KIDINS220: variants seen among roughly 807,000 people sequenced by gnomAD.
The protein encoded by KIDINS220 is kinase D interacting substrate 220.
KIDINS220 carries 63 observed loss-of-function variants against 157.6 expected under a neutral mutation model. That is an observed-to-expected ratio of 0.40 (90% CI 0.33 to 0.49). KIDINS220 has a LOEUF of 0.49. Among genes scored for constraint, KIDINS220 ranks in the 20% least tolerant of loss-of-function variants. KIDINS220 has a pLI of 0.66. For synonymous variants in KIDINS220, 732 were observed against 783.6 expected (o/e 0.93, Z 1.10); for missense variants, 1,772 against 2,171.2 (o/e 0.82, Z 3.65).
intron 8 of KIDINS220, among the ~76,000 whole-genome samples, chr2:8,800,796 T>C (rs1014416452): frequency 3.9e-5 from 6 of 152,210 alleles, no homozygotes; most frequent in Admixed American, 2.0e-4. Context: ...TAACCGCCTA[T>C]TACAAATGTA....
rs553008906 is a variant in KIDINS220 at position 8,734,526 on chromosome 2, A to T, written c.3816+129T>A. ...AGTGTAAGAAGCAGTTTTTAAATTTAAAAAAATATGAAAAAAATACCAGTT... is the reference window on the plus strand; with the variant it reads ...AGTGTAAGAAGCAGTTTTTAAATTTTAAAAAATATGAAAAAAATACCAGTT... On this transcript the variant is annotated intron_variant, in intron 28 of 29. Coordinates refer to ENST00000256707, the MANE Select transcript of KIDINS220 (RefSeq NM_020738.4). 3.9e-5 allele frequency: 24 copies of T among 610,840 alleles called. 1 individual carries two copies. The highest frequency in any genetic ancestry group is 4.5e-4 in the Middle Eastern group (1 of 2,242). 37.8% of individuals were successfully genotyped at this position (610,840 alleles called of 1,614,324 possible). A position where few individuals can be genotyped will look rare whatever the true frequency, so the allele number is the denominator to read the frequency against.
chr2:8,790,533 T>C (rs1184346566), intron 13 of KIDINS220, among the ~76,000 whole-genome samples: 1 of 152,212 alleles, frequency 6.6e-6, no homozygotes. Flanking sequence ...AAGGTGCATG[T>C]TGAGCCCAAT....
intron 5 of KIDINS220, 150 bp downstream of exon 5, chr2:8,813,087 A>G: frequency 9.6e-6 from 5 of 520,206 alleles, no homozygotes; most frequent in Non-Finnish European, 1.7e-5. Context: ...AAAAATTATC[A>G]TTACTGTGTT....
intron 22 of KIDINS220, among the ~76,000 whole-genome samples, chr2:8,759,775 A>G (rs998487078): frequency 4.6e-5 from 7 of 152,048 alleles, no homozygotes; most frequent in African/African-American, 1.7e-4. Context: ...ACTATATTTA[A>G]AAGTTATGAA....
Position 8,781,153 on chromosome 2 carries a change from A to ATATATATAATATATATAT in KIDINS220, c.2230-1340_2230-1339insATATATATATTATATATA, listed in dbSNP as rs70946383. Among the ~76,000 whole-genome samples the ATATATATAATATATATAT allele has an allele frequency of 2.4e-3, 312 of 130,384 alleles. 2 individuals are homozygous for ATATATATAATATATATAT. The highest frequency in any genetic ancestry group is 3.9e-3 in the Middle Eastern group (1 of 258). The allele number at this position is 130,384 out of a possible 152,430, so 85.5% of individuals were successfully genotyped here. A position where few individuals can be genotyped will look rare whatever the true frequency, so the allele number is the denominator to read the frequency against. ...ACTATATTAATTATTATATATATAT[A>ATATATATAATATATATAT]ATATATATATATTAAAGGGGGGCAT... On this transcript the variant is annotated intron_variant, in intron 17 of 29. Coordinates refer to ENST00000256707, the MANE Select transcript of KIDINS220 (RefSeq NM_020738.4).
chr2:8,782,097 G>C (rs936973520), intron 17 of KIDINS220, among the ~76,000 whole-genome samples: 12 of 152,086 alleles, frequency 7.9e-5, no homozygotes, highest in African/African-American at 2.4e-4. Context: ...CTGGGCAACA[G>C]AGTGAGACTC....
chr2:8,731,828 G>A lies in KIDINS220; in HGVS notation c.4208C>T (p.Ser1403Phe), dbSNP rs552181668. 1.3e-5 allele frequency: 21 copies of A among 1,614,098 alleles called. 1 individual carries two copies. The South Asian group carries it at 2.2e-4, about 17-fold the overall frequency. ...AGAAGATCTGCCACTAATGGTTGTAGACCCGGGGCCCCCTTCTAACTGGGA... is the reference window on the plus strand; with the variant it reads ...AGAAGATCTGCCACTAATGGTTGTAAACCCGGGGCCCCCTTCTAACTGGGA... ...QMSQLEGGPG[S>F]TTISGRSSPH... The change falls in exon 30 of 30, where the codon TCT becomes TTT. Residue 1403 changes from serine to phenylalanine, a missense_variant. Physicochemically the swap from Ser to Phe is radical, Grantham distance 155. Around this residue, in one of 3 missense-constraint regions of KIDINS220, gnomAD observed 793 missense variants for 885.5 expected, o/e 0.90. Coordinates refer to ENST00000256707, the MANE Select transcript of KIDINS220 (RefSeq NM_020738.4). The surrounding 1 kb of genome is among the most constrained non-coding windows in gnomAD (Gnocchi z 5.2).
At chr2:8,826,832 TG>T in intron 2 of KIDINS220, 153 bp downstream of exon 2, 2 of 384,524 alleles carry the variant, frequency 5.2e-6, no homozygotes, top group Non-Finnish European at 9.3e-6. Flanking sequence ...ACATGAAATT[TG>T]AAGTACTTTT....
intron 7 of KIDINS220, among the ~76,000 whole-genome samples, chr2:8,805,613 T>C (rs1288045981): frequency 6.6e-6 from 1 of 152,104 alleles, no homozygotes; most frequent in African/African-American, 2.4e-5. Context: ...TAGTCACTTA[T>C]GAAATTACAC....
intron 17 of KIDINS220, among the ~76,000 whole-genome samples, chr2:8,780,849 CA>C (rs1671621597): frequency 6.6e-6 from 1 of 151,128 alleles, no homozygotes; most frequent in Non-Finnish European, 1.5e-5. Context: ...GCATAAAAGA[CA>C]AAAAGAAGAG....
chr2:8,800,341 A>G, intron 9 of KIDINS220, 59 bp downstream of exon 9: 1 of 1,053,464 alleles, frequency 9.5e-7, no homozygotes, highest in Non-Finnish European at 1.4e-6. Flanking sequence ...CATTATGATC[A>G]GTCAACACTT....
At chr2:8,814,494 A>G (rs1558477737) in intron 4 of KIDINS220, among the ~76,000 whole-genome samples, 1 of 152,030 alleles carries the variant, frequency 6.6e-6, no homozygotes, top group Non-Finnish European at 1.5e-5. Flanking sequence ...GACAGATGAT[A>G]GACAGATAGA....
intron 26 of KIDINS220, among the ~76,000 whole-genome samples, chr2:8,744,428 A>ATCTATC (rs1478790272): frequency 8.0e-5 from 8 of 100,222 alleles, no homozygotes; most frequent in Non-Finnish European, 1.9e-5. Context: ...ATATATATAT[A>ATCTATC]TATATATATA....
At chr2:8,747,676 A>G in intron 25 of KIDINS220, 1 of 398,072 alleles carries the variant, frequency 2.5e-6, no homozygotes, top group Non-Finnish European at 4.4e-6. Flanking sequence ...ACAAGTCAAC[A>G]TTTCTTCGCT....
chr2:8,728,169 T>G (rs1220725009), downstream of KIDINS220, among the ~76,000 whole-genome samples: 1 of 152,134 alleles, frequency 6.6e-6, no homozygotes, highest in Non-Finnish European at 1.5e-5. Flanking sequence ...ATAGCAAGGC[T>G]GCATCTCCTC....
chr2:8,809,072 G>GCA (rs1675919779), intron 6 of KIDINS220, among the ~76,000 whole-genome samples: 1 of 152,128 alleles, frequency 6.6e-6, no homozygotes, highest in African/African-American at 2.4e-5. Context: ...AGACTGGAGT[G>GCA]CAGTGGCACA....
intron 22 of KIDINS220, among the ~76,000 whole-genome samples, chr2:8,759,048 A>G (rs1668413603): frequency 6.6e-6 from 1 of 152,220 alleles, no homozygotes; most frequent in Admixed American, 6.5e-5. Flanking sequence ...GTTCTCACTG[A>G]CACTCACTTT....
Position 8,731,157 on chromosome 2 carries a change from C to T in KIDINS220, c.4879G>A (p.Gly1627Arg), listed in dbSNP as rs369024354. 2 of 1,614,144 alleles carry T rather than the reference C, an allele frequency of 1.2e-6. No homozygotes were observed. The highest frequency in any genetic ancestry group is 1.3e-5 in the African/African-American group (1 of 75,032). The change falls in exon 30 of 30, where the codon GGA becomes AGA. Residue 1627 changes from glycine (G) to arginine (R), a missense_variant. Physicochemically the swap from Gly to Arg is moderately radical, Grantham distance 125. Around this residue, in one of 3 missense-constraint regions of KIDINS220, gnomAD observed 793 missense variants for 885.5 expected, o/e 0.90. Transcript: ENST00000256707. The surrounding 1 kb of genome is among the most constrained non-coding windows in gnomAD (Gnocchi z 5.2). ...LEDDSHSGKR[G>R]IPHSLSGLQD... ...AGGCCACTCAGGCTATGTGGGATTC[C>T]CCGCTTTCCGCTGTGACTGTCATCT...
chr2:8,740,232 C>A, intron 26 of KIDINS220: 1 of 849,028 alleles, frequency 1.2e-6, no homozygotes, highest in Non-Finnish European at 1.4e-6. Context: ...CATAAAGTAA[C>A]ACATCCGATG....
Sources: gnomAD v4.1 joint callset for allele counts (sites outside exome capture counted in the v4.1 genomes callset) on GRCh38, gnomAD v4.1.1 for gene constraint, gnomAD v4.1.1 regional missense constraint, Gnocchi (gnomAD v3.1) non-coding constraint, MANE v1.5 for transcripts, NCBI Gene and HGNC (gene_info 2026-07-23, HGNC 2026-07-21) for gene names.